Variants in NRG3 observed in about 807,000 individuals in gnomAD.
The protein encoded by NRG3 is pro-neuregulin-3, membrane-bound isoform.
Under a neutral mutation model 66.9 loss-of-function variants are expected in NRG3, and 31 were observed. That is an observed-to-expected ratio of 0.46 (90% CI 0.35 to 0.63). The LOEUF is 0.63. Ranked by LOEUF, NRG3 falls within the 20% of genes least tolerant of loss-of-function variation. The pLI is 0.00. For synonymous variants in NRG3, 393 were observed against 359.4 expected, an observed-to-expected ratio of 1.09 and a Z score of -1.06; for missense variants, 910 against 878.9, an observed-to-expected ratio of 1.04 and a Z score of -0.45.
At chr10:82,566,118 C>T (rs1272992693) in intron 2 of NRG3, among the ~76,000 whole-genome samples, 1 of 152,006 alleles carries the variant, frequency 6.6e-6, no homozygotes, top group Non-Finnish European at 1.5e-5. Context: ...GTACGTGGCA[C>T]TTAATAAGCC....
At chr10:82,029,818 G>A (rs1235241495) in intron 1 of NRG3, among the ~76,000 whole-genome samples, 1 of 152,038 alleles carries the variant, frequency 6.6e-6, no homozygotes, top group Non-Finnish European at 1.5e-5. Flanking sequence ...CCTCTAATGA[G>A]CTAATTAGGA....
At chr10:82,708,205 T>G (rs559968001) in intron 2 of NRG3, among the ~76,000 whole-genome samples, 4 of 152,228 alleles carry the variant, frequency 2.6e-5, no homozygotes, top group Non-Finnish European at 5.9e-5. Context: ...GCATATGCTA[T>G]ATCCTCTCCT....
chr10:82,922,068 C>A (rs1399311671), intron 4 of NRG3, among the ~76,000 whole-genome samples: 1 of 151,806 alleles, frequency 6.6e-6, no homozygotes, highest in Non-Finnish European at 1.5e-5. Flanking sequence ...AAAAGATAAG[C>A]TTTTATACAT....
chr10:82,734,479 C>T (rs1300031646), intron 2 of NRG3, among the ~76,000 whole-genome samples: 1 of 151,978 alleles, frequency 6.6e-6, no homozygotes, highest in Non-Finnish European at 1.5e-5. Context: ...AGGTCCTGAG[C>T]CTCTATTTGG....
chr10:82,183,315 T>G (rs1012887262), intron 1 of NRG3, among the ~76,000 whole-genome samples: 1 of 152,012 alleles, frequency 6.6e-6, no homozygotes, highest in South Asian at 2.1e-4. Context: ...TCACTTGGGC[T>G]TTCTTCATTC....
intron 4 of NRG3, among the ~76,000 whole-genome samples, chr10:82,918,278 A>T (rs1042943174): frequency 2.0e-5 from 3 of 152,076 alleles, no homozygotes; most frequent in Non-Finnish European, 4.4e-5. Context: ...ATCTGTGTGG[A>T]GAGAGAAAAG....
At chr10:82,695,452 T>C (rs1199420938) in intron 2 of NRG3, among the ~76,000 whole-genome samples, 4 of 152,116 alleles carry the variant, frequency 2.6e-5, no homozygotes, top group African/African-American at 9.7e-5. Flanking sequence ...TATACGAGTA[T>C]GAAAACTCAT....
intron 1 of NRG3, among the ~76,000 whole-genome samples, chr10:82,237,776 C>T (rs561423088): frequency 2.0e-5 from 3 of 152,078 alleles, no homozygotes; most frequent in Admixed American, 1.3e-4. Context: ...GAAAAATGAA[C>T]AGAGGTTCTT....
At chr10:82,378,849 G>A (rs2085430529) in intron 2 of NRG3, among the ~76,000 whole-genome samples, 1 of 152,074 alleles carries the variant, frequency 6.6e-6, no homozygotes, top group Non-Finnish European at 1.5e-5. Context: ...GGGATTACAG[G>A]CATGAGCCGC....
At chr10:82,447,756 G>A (rs1240567325) in intron 2 of NRG3, among the ~76,000 whole-genome samples, 2 of 152,244 alleles carry the variant, frequency 1.3e-5, no homozygotes, top group East Asian at 3.9e-4. Flanking sequence ...TTCAGAAACT[G>A]TATGTCGGAA....
At chr10:82,505,413 G>A (rs581628) in intron 2 of NRG3, among the ~76,000 whole-genome samples, 61,704 of 152,104 alleles carry the variant, frequency 0.41, 15,222 homozygotes, top group African/African-American at 0.68. Flanking sequence ...GTATTTCAGT[G>A]TTTTAACAAC....
rs1223674393 is a variant in NRG3, at chr10:82,435,536, G to A, written c.953+76668G>A. Among the ~76,000 whole-genome samples, 6 of 151,986 alleles carry A rather than the reference G, an allele frequency of 3.9e-5. No homozygotes were observed. In the East Asian group the frequency reaches 9.7e-4, roughly 24 times the overall value. On this transcript the variant is annotated intron_variant, in intron 2 of 8. Coordinates refer to ENST00000372141, the MANE Select transcript of NRG3 (RefSeq NM_001010848.4). ...CCTCTCTAGATTTTTGAATTCTGAT[G>A]TTAAGTTGTCGATATGAGATCTTCC...
chr10:82,106,971 C>T (rs756635047), intron 1 of NRG3, among the ~76,000 whole-genome samples: 2 of 152,144 alleles, frequency 1.3e-5, no homozygotes, highest in Non-Finnish European at 2.9e-5. Context: ...TTTCCTTCTC[C>T]ACTTAAAGAA....
intron 4 of NRG3, among the ~76,000 whole-genome samples, chr10:82,948,649 CTA>C (rs150550301): frequency 1.3e-4 from 20 of 152,146 alleles, no homozygotes; most frequent in Non-Finnish European, 2.6e-4. Context: ...AAATTGATCT[CTA>C]TGTATTTTAC....
chr10:81,992,702 T>A (rs2060789723), intron 1 of NRG3, among the ~76,000 whole-genome samples: 1 of 152,172 alleles, frequency 6.6e-6, no homozygotes, highest in Admixed American at 6.6e-5. Context: ...CCTCTTTTTC[T>A]GTCTTCCCAT....
Position 81,936,674 on chromosome 10 carries a change from G to A in NRG3, c.823+60511G>A, listed in dbSNP as rs147704484. On this transcript the variant is annotated intron_variant, in intron 1 of 8. Transcript: ENST00000372141. ...GGTTTTGCTCCGTAAGGTGGTTGGG[G>A]CCGAAGCTCTTTCTAACTCACCACC... Among the ~76,000 whole-genome samples, 55 of 152,152 alleles carry A rather than the reference G, an allele frequency of 3.6e-4. No homozygotes were observed. The East Asian group carries it at 9.3e-3, about 26-fold the overall frequency.
chr10:82,900,389 AT>A (rs1432694083), intron 4 of NRG3, among the ~76,000 whole-genome samples: 1 of 151,934 alleles, frequency 6.6e-6, no homozygotes, highest in Non-Finnish European at 1.5e-5. Context: ...ATTGTTAACA[AT>A]TTTTTTCTCC....
chr10:82,120,854 C>T (rs779571585), intron 1 of NRG3, among the ~76,000 whole-genome samples: 9 of 152,224 alleles, frequency 5.9e-5, no homozygotes, highest in East Asian at 1.9e-4. Flanking sequence ...TCTCTGCATA[C>T]GGGGAGTCTC....
intron 2 of NRG3, among the ~76,000 whole-genome samples, chr10:82,544,698 C>G (rs2043773023): frequency 6.6e-6 from 1 of 152,164 alleles, no homozygotes; most frequent in Middle Eastern, 3.2e-3. Flanking sequence ...GAGAGCTGAT[C>G]TGTACACATA....
Sources: gnomAD v4.1 joint callset for allele counts (sites outside exome capture counted in the v4.1 genomes callset) on GRCh38, gnomAD v4.1.1 for gene constraint, MANE v1.5 for transcripts, NCBI Gene and HGNC (gene_info 2026-07-23, HGNC 2026-07-21) for gene names.